The following NCKAP5 variants were observed in gnomAD, a reference collection of about 807,000 sequenced individuals.
The protein encoded by NCKAP5 is nck-associated protein 5.
In NCKAP5, 92 loss-of-function variants were observed where a neutral mutation model predicts 167.0. That is an observed-to-expected ratio of 0.55 (90% confidence interval 0.47 to 0.66). The LOEUF (loss-of-function observed/expected upper bound fraction) is 0.66. Ranked by LOEUF, NCKAP5 falls within the 30% of genes least tolerant of loss-of-function variation. The probability of loss-of-function intolerance (pLI) is 0.00; values close to 1 mark genes in which losing one functional copy is unlikely to be tolerated. For missense variants in NCKAP5, 2,378 were observed against 2,315.0 expected (o/e 1.03, Z -0.56); for synonymous variants, 891 against 877.4 (o/e 1.02, Z -0.27).
chr2:132,740,475 C>T (rs905323373), intron 16 of NCKAP5, among the ~76,000 whole-genome samples: 3 of 152,096 alleles, frequency 2.0e-5, no homozygotes, highest in Non-Finnish European at 2.9e-5. Flanking sequence ...AAGTCTGTTG[C>T]CAAAGCCACA....
At chr2:133,394,467 T>C (rs1687616063) in intron 3 of NCKAP5, among the ~76,000 whole-genome samples, 2 of 152,188 alleles carry the variant, frequency 1.3e-5, no homozygotes, top group South Asian at 4.1e-4. Context: ...GGTTGGAAGC[T>C]ACTGCAGGCT....
At chr2:133,018,738 T>C (rs982257165) in intron 6 of NCKAP5, among the ~76,000 whole-genome samples, 11 of 152,332 alleles carry the variant, frequency 7.2e-5, no homozygotes, top group African/African-American at 2.6e-4. Context: ...CTAAGGCTTT[T>C]ATGCAGTTTG....
chr2:132,784,220 T>TGTG lies in NCKAP5; in HGVS notation c.2588_2590dup (p.Pro863dup). On this transcript the variant is annotated inframe_insertion, in exon 14 of 20. Transcript: ENST00000409261. ...AAGTTGGGCGGAATGTTTTGGAATG[T>TGTG]GTGGATCTGATCGTAATTCAAAGAG... 2 of 1,594,364 alleles carry TGTG rather than the reference T, an allele frequency of 1.3e-6. No individual in the cohort carries two copies.
At chr2:132,676,354 C>T (rs1684488357) in intron 19 of NCKAP5, among the ~76,000 whole-genome samples, 1 of 144,892 alleles carries the variant, frequency 6.9e-6, no homozygotes, top group South Asian at 2.3e-4. Context: ...ATTTCCCTTC[C>T]CCCAGCTTTC....
chr2:132,773,138 T>C (rs897797882), intron 16 of NCKAP5, among the ~76,000 whole-genome samples: 1 of 152,232 alleles, frequency 6.6e-6, no homozygotes, highest in Non-Finnish European at 1.5e-5. Flanking sequence ...CAACCACTTC[T>C]TCAAGTGTCC....
At chr2:133,407,363 A>C (rs2151043626) in intron 3 of NCKAP5, among the ~76,000 whole-genome samples, 1 of 152,290 alleles carries the variant, frequency 6.6e-6, no homozygotes, top group Non-Finnish European at 1.5e-5. Flanking sequence ...TTCTTTCAAA[A>C]TTTTGAGTTG....
intron 5 of NCKAP5, among the ~76,000 whole-genome samples, chr2:133,147,206 C>T (rs1179099568): frequency 6.7e-6 from 1 of 149,758 alleles, no homozygotes; most frequent in Non-Finnish European, 1.5e-5. Flanking sequence ...TCACATCAAC[C>T]AGTGTTTACT....
intron 3 of NCKAP5, among the ~76,000 whole-genome samples, chr2:133,436,384 G>A (rs1690481040): frequency 6.6e-6 from 1 of 152,168 alleles, no homozygotes; most frequent in East Asian, 1.9e-4. Context: ...CACACATCTA[G>A]CTCATCTTCC....
At chr2:133,289,576 T>C (rs1264361576) in intron 4 of NCKAP5, among the ~76,000 whole-genome samples, 2 of 151,972 alleles carry the variant, frequency 1.3e-5, no homozygotes, top group African/African-American at 2.4e-5. Flanking sequence ...ACCCTGTCTC[T>C]ACTAAAAGTA....
chr2:132,843,771 T>A (rs12691831), intron 11 of NCKAP5, among the ~76,000 whole-genome samples: 46,221 of 151,852 alleles, frequency 0.3, 7,274 homozygotes, highest in African/African-American at 0.39. Flanking sequence ...ATTTCATCAC[T>A]ATCCTATTTA....
intron 10 of NCKAP5, among the ~76,000 whole-genome samples, chr2:132,862,236 T>C (rs59131325): frequency 1.3e-5 from 2 of 152,224 alleles, no homozygotes; most frequent in Admixed American, 1.3e-4. Flanking sequence ...AAGCCTTCTC[T>C]GAGGCTTGAT....
rs1683454984 is a variant in NCKAP5, at chr2:132,785,201, A to C, written c.1610T>G (p.Leu537Arg). Residue 537 changes from leucine to arginine, a missense_variant, in exon 14 of 20, where the codon CTG becomes CGG. Around this residue, in one of 3 missense-constraint regions of NCKAP5, gnomAD observed 1,049 missense variants for 1,023.4 expected, o/e 1.02. Coordinates refer to ENST00000409261, the MANE Select transcript of NCKAP5 (RefSeq NM_207363.3). The stretch of plus-strand genomic sequence containing the variant: ...GGGACAGCTGCTGGCGCAACTTGTC[A>C]GCTTTTCAGGCCTTTCCTTGGGATA... The part of the protein sequence containing the change: ...SVYPKERPEK[L>R]TSCASSCPLE... The C allele has an allele frequency of 1.3e-6, 2 of 1,576,548 alleles. No individual in the cohort carries two copies. Among genetic ancestry groups the C allele is most frequent in the African/African-American group, 1.4e-5 (1 of 73,370 alleles).
intron 5 of NCKAP5, among the ~76,000 whole-genome samples, chr2:133,189,755 G>T (rs1198742466): frequency 6.7e-6 from 1 of 149,548 alleles, no homozygotes; most frequent in African/African-American, 2.4e-5. Flanking sequence ...TAAAAACTAG[G>T]TATTGATGGG....
chr2:133,499,652 C>T lies in NCKAP5; in HGVS notation c.69+17806G>A, dbSNP rs569729182. Among the ~76,000 whole-genome samples, 21 of 152,290 alleles carry T rather than the reference C, an allele frequency of 1.4e-4. No individual in the cohort carries two copies. In the East Asian group the frequency reaches 2.3e-3, roughly 17 times the overall value. Reference sequence around the variant, plus strand: ...TTGGCTCACTGCAACCTCAGCCTCCCGGGTTCAAGTGATTCTCCTGCATCA... The same window carrying T: ...TTGGCTCACTGCAACCTCAGCCTCCTGGGTTCAAGTGATTCTCCTGCATCA... On this transcript the variant is annotated intron_variant, in intron 3 of 19. Transcript: ENST00000409261.
intron 5 of NCKAP5, among the ~76,000 whole-genome samples, chr2:133,152,717 G>C (rs1226447977): frequency 6.6e-6 from 1 of 152,164 alleles, no homozygotes; most frequent in East Asian, 1.9e-4. Context: ...TCCAAGTATA[G>C]TCATGTGCCA....
At chr2:133,443,123 G>A (rs1311048347) in intron 3 of NCKAP5, among the ~76,000 whole-genome samples, 3 of 152,160 alleles carry the variant, frequency 2.0e-5, no homozygotes, top group Non-Finnish European at 2.9e-5. Flanking sequence ...TGAGAGATTC[G>A]CTTTTCTCAA....
At chr2:133,137,452 T>TGTG (rs2082836475) in intron 5 of NCKAP5, among the ~76,000 whole-genome samples, 14 of 113,378 alleles carry the variant, frequency 1.2e-4, no homozygotes, top group Middle Eastern at 4.3e-3. Flanking sequence ...GTGTGTGTGT[T>TGTG]TTGGAAAAGA....
At chr2:133,503,652 A>G (rs887994686) in intron 3 of NCKAP5, among the ~76,000 whole-genome samples, 1 of 152,146 alleles carries the variant, frequency 6.6e-6, no homozygotes, top group Non-Finnish European at 1.5e-5. Context: ...ACTACACCCA[A>G]TTTTCCAATT....
chr2:132,903,463 G>A (rs778100904), intron 8 of NCKAP5, among the ~76,000 whole-genome samples: 5 of 152,192 alleles, frequency 3.3e-5, no homozygotes, highest in South Asian at 2.1e-4. Context: ...GCACAGGCCC[G>A]TGTCTGATAG....
Sources: gnomAD v4.1 joint callset for allele counts (sites outside exome capture counted in the v4.1 genomes callset) on GRCh38, gnomAD v4.1.1 for gene constraint, gnomAD v4.1.1 regional missense constraint, MANE v1.5 for transcripts, NCBI Gene and HGNC (gene_info 2026-07-23, HGNC 2026-07-21) for gene names.